The following FUBP3 variants were observed in gnomAD, a reference collection of about 807,000 sequenced individuals.
FUBP3 encodes far upstream element-binding protein 3.
In FUBP3, 28 loss-of-function variants were observed where a neutral mutation model predicts 85.6. That is an observed-to-expected ratio of 0.33 (90% CI 0.24 to 0.45). FUBP3 has a LOEUF of 0.45. Ranked by LOEUF, FUBP3 falls within the 20% of genes least tolerant of loss-of-function variation. The probability of loss-of-function intolerance (pLI) is 1.00; values close to 1 mark genes in which losing one functional copy is unlikely to be tolerated. For synonymous variants in FUBP3, 271 were observed against 271.4 expected, an observed-to-expected ratio of 1.00 and a Z score of 0.01; for missense variants, 583 against 755.1, an observed-to-expected ratio of 0.77 and a Z score of 2.67.
chr9:130,606,592 G>A (rs1329405643), intron 2 of FUBP3, among the ~76,000 whole-genome samples: 7 of 152,226 alleles, frequency 4.6e-5, no homozygotes, highest in South Asian at 2.1e-4. Context: ...AGGCTAAAGT[G>A]GGCGGATCAC....
chr9:130,588,546 T>C (rs1371899986), intron 1 of FUBP3, among the ~76,000 whole-genome samples: 2 of 152,200 alleles, frequency 1.3e-5, no homozygotes, highest in Admixed American at 6.5e-5. Flanking sequence ...ATAGCAAGCA[T>C]TTCTGGTTCC....
At chr9:130,584,255 C>T (rs1171342374) in intron 1 of FUBP3, among the ~76,000 whole-genome samples, 6 of 152,076 alleles carry the variant, frequency 3.9e-5, no homozygotes, top group Non-Finnish European at 7.4e-5. Flanking sequence ...TGGCTGGGCA[C>T]GGTGGCTTAC....
intron 2 of FUBP3, among the ~76,000 whole-genome samples, chr9:130,605,999 C>CA (rs1303743708): frequency 6.6e-6 from 1 of 152,006 alleles, no homozygotes; most frequent in African/African-American, 2.4e-5. Flanking sequence ...ACAACAACAA[C>CA]AAAAAAGAGT....
intron 2 of FUBP3, among the ~76,000 whole-genome samples, chr9:130,606,402 G>T (rs1354547985): frequency 6.6e-6 from 1 of 152,076 alleles, no homozygotes; most frequent in Non-Finnish European, 1.5e-5. Flanking sequence ...CCCCCCAACA[G>T]ACTCACTCAC....
Position 130,612,932 on chromosome 9 carries a change from C to G in FUBP3, c.275-24C>G, listed in dbSNP as rs1257169405. On this transcript the variant is annotated intron_variant, in intron 4 of 18. Transcript: ENST00000319725. This position sits in a 1 kb window ranked among gnomAD's most constrained non-coding sequence, Gnocchi z 4.1. ...GAAATATGGAATAGGGGCGTGTATT[C>G]TGACCCTGTTCAATTTGTTTCAGTT... is the stretch of plus-strand genomic sequence containing the variant. 3 of 1,542,562 alleles carry G rather than the reference C, an allele frequency of 1.9e-6. No individual in the cohort carries two copies. The East Asian group carries it at 6.7e-5, about 35-fold the overall frequency.
intron 2 of FUBP3, among the ~76,000 whole-genome samples, chr9:130,609,610 TC>T (rs1831642585): frequency 6.6e-6 from 1 of 152,210 alleles, no homozygotes; most frequent in Admixed American, 6.5e-5. Flanking sequence ...AGGATCTCTT[TC>T]CATCTTTACA....
In FUBP3 at chr9:130,634,683, G is replaced by T; in HGVS notation, c.1527G>T (p.Pro509=). Residue 509 remains proline (P), a synonymous_variant, in exon 17 of 19, where the codon CCG becomes CCT. Coordinates refer to ENST00000319725, the MANE Select transcript of FUBP3 (RefSeq NM_003934.2). ...TTCGCACAGGCCAGCAGAGCCAGCC[G>T]CAGAGCAGCCAGCCCAACTACAGCA... ...TQQVPSQQSQ[P]QSSQPNYSKA... is the part of the protein sequence containing the mutation. 1 of 1,613,756 alleles carries T rather than the reference G, an allele frequency of 6.2e-7. No homozygotes were observed.
chr9:130,610,854 G>C (rs911662322), intron 3 of FUBP3, among the ~76,000 whole-genome samples: 8 of 152,040 alleles, frequency 5.3e-5, no homozygotes, highest in Non-Finnish European at 1.0e-4. Flanking sequence ...TGTTATTGTT[G>C]TTTCTTTGTT....
Position 130,636,145 on chromosome 9 carries a change from G to C in FUBP3, c.1710+19G>C. The C allele has an allele frequency of 1.2e-6, 2 of 1,610,546 alleles. No individual in the cohort carries two copies. The highest frequency in any genetic ancestry group is 1.7e-6 in the Non-Finnish European group (2 of 1,178,052). On this transcript the variant is annotated intron_variant, in intron 18 of 18. Coordinates refer to ENST00000319725, the MANE Select transcript of FUBP3 (RefSeq NM_003934.2). ...CAGCCAGGTCTGTAGCTGATCACCAGCACCGCTGCCACTCCCTAGCCCCGA... is the reference window on the plus strand; with the variant it reads ...CAGCCAGGTCTGTAGCTGATCACCACCACCGCTGCCACTCCCTAGCCCCGA...
intron 3 of FUBP3, among the ~76,000 whole-genome samples, chr9:130,611,453 C>T (rs1280109280): frequency 6.6e-6 from 1 of 152,120 alleles, no homozygotes; most frequent in Admixed American, 6.5e-5. Flanking sequence ...TGTTCATAAG[C>T]TTGAGGGTGT....
At chr9:130,624,936 T>G (rs1829909919) in intron 11 of FUBP3, among the ~76,000 whole-genome samples, 1 of 151,968 alleles carries the variant, frequency 6.6e-6, no homozygotes, top group Non-Finnish European at 1.5e-5. Context: ...AAATACAAAA[T>G]TAGCTGGACG....
rs372986987 is a variant in FUBP3 at position 130,635,963 on chromosome 9, C to T, written c.1583-36C>T. On this transcript the variant is annotated intron_variant, in intron 17 of 18. Transcript: ENST00000319725. This position sits in a 1 kb window ranked among gnomAD's most constrained non-coding sequence, Gnocchi z 4.3. ...AAGGGTCCTGCCCAGTGCACCTCCG[C>T]TCCCGATAACCTGTGTTTCCTCCTT... 1.9e-6 allele frequency: 3 copies of T among 1,606,704 alleles called. No homozygotes were observed. The African/African-American group carries it at 4.0e-5, about 21-fold the overall frequency.
At chr9:130,591,173 G>A (rs948725500) in intron 1 of FUBP3, among the ~76,000 whole-genome samples, 2 of 152,262 alleles carry the variant, frequency 1.3e-5, no homozygotes, top group Non-Finnish European at 2.9e-5. Flanking sequence ...GGCCGGGCAC[G>A]GTGGCTCACG....
chr9:130,582,624 A>C (rs1049859037), intron 1 of FUBP3, among the ~76,000 whole-genome samples: 4 of 152,240 alleles, frequency 2.6e-5, no homozygotes, highest in Admixed American at 6.5e-5. Flanking sequence ...AATCCTGAGT[A>C]GTTCATCCTG....
At chr9:130,580,168 T>G (rs973462050) in intron 1 of FUBP3, among the ~76,000 whole-genome samples, 1 of 152,178 alleles carries the variant, frequency 6.6e-6, no homozygotes, top group Non-Finnish European at 1.5e-5. Flanking sequence ...TTGTTAAAAC[T>G]TGGGGAACAT....
In FUBP3 at chr9:130,612,516, A is replaced by G. The variant is rs530597109; in HGVS notation, c.274+11A>G. On this transcript the variant is annotated intron_variant, in intron 4 of 18. Coordinates refer to ENST00000319725, the MANE Select transcript of FUBP3 (RefSeq NM_003934.2). This position sits in a 1 kb window ranked among gnomAD's most constrained non-coding sequence, Gnocchi z 4.1. ...AAATGGTTGGATTTAGTAAGTATCC[A>G]TGTTGTCTACTTTTTCCCTGATTCC... The G allele has an allele frequency of 4.6e-6, 7 of 1,521,630 alleles. No individual in the cohort carries two copies. In the Admixed American group the frequency reaches 6.7e-5, roughly 15 times the overall value. The allele number at this position is 1,521,630 out of a possible 1,614,324, so 94.3% of individuals were successfully genotyped here.
At position 130,628,031 on chromosome 9, in the gene FUBP3, T is replaced by C. The variant is rs117835533; in HGVS notation, c.1117+1526T>C. ...TAGCAGCCTAAAGAAGCCTAATTAG[T>C]GTCTCGGATATGGGAGGGTCTTTCT... On this transcript the variant is annotated intron_variant, in intron 12 of 18. Transcript: ENST00000319725. 6.1e-3 allele frequency among the ~76,000 whole-genome samples: 921 copies of C among 152,142 alleles called. 23 individuals are homozygous for C. The East Asian group carries it at 0.071, about 12-fold the overall frequency.
chr9:130,595,107 T>G (rs1286815300), intron 1 of FUBP3, among the ~76,000 whole-genome samples: 5 of 151,276 alleles, frequency 3.3e-5, no homozygotes, highest in Admixed American at 3.3e-4. Flanking sequence ...ATGCCTGTAA[T>G]CCCAGCTACT....
intron 15 of FUBP3, 51 bp downstream of exon 15, chr9:130,632,073 A>T (rs769451659): frequency 3.3e-6 from 5 of 1,502,454 alleles, no homozygotes; most frequent in Non-Finnish European, 4.6e-6. Context: ...TAAGGTGGTC[A>T]CTTGGCTATT....
Sources: gnomAD v4.1 joint callset for allele counts (sites outside exome capture counted in the v4.1 genomes callset) on GRCh38, gnomAD v4.1.1 for gene constraint, Gnocchi (gnomAD v3.1) non-coding constraint, MANE v1.5 for transcripts, NCBI Gene and HGNC (gene_info 2026-07-23, HGNC 2026-07-21) for gene names.